Variants in SLC13A1 observed in about 807,000 individuals in gnomAD.
SLC13A1 encodes the protein solute carrier family 13 member 1.
Under a neutral mutation model 70.0 loss-of-function variants are expected in SLC13A1, and 65 were observed. The observed-to-expected ratio is 0.93, with a 90% CI of 0.76 to 1.14. SLC13A1 has a LOEUF of 1.14. Among genes scored for constraint, SLC13A1 ranks in the 50% most tolerant of loss-of-function variants. The pLI is 0.00. For missense variants in SLC13A1, 726 were observed against 717.8 expected, an observed-to-expected ratio of 1.01 and a Z score of -0.13; for synonymous variants, 275 against 250.5, an observed-to-expected ratio of 1.10 and a Z score of -0.92.
rs73718305 is a variant in SLC13A1 at position 123,190,526 on chromosome 7, G to A, written c.99+9322C>T. 3,217 of 456,486 alleles carry A rather than the reference G, an allele frequency of 7.0e-3. 84 individuals are homozygous for A. The highest frequency in any genetic ancestry group is 0.059 in the African/African-American group (2,965 of 50,168). 28.3% of individuals were successfully genotyped at this position (456,486 alleles called of 1,614,324 possible). A position where few individuals can be genotyped will look rare whatever the true frequency, so the allele number is the denominator to read the frequency against. On this transcript the variant is annotated intron_variant, in intron 1 of 14. Transcript: ENST00000194130. ...ATTCTGAGACTGGTCACTGGACGGA[G>A]GCCCTCCTGGTCAGTCAGTCATCTG... is the stretch of plus-strand genomic sequence containing the variant.
chr7:123,194,759 A>G lies in SLC13A1; in HGVS notation c.99+5089T>C, dbSNP rs140729095. On this transcript the variant is annotated intron_variant, in intron 1 of 14. Transcript: ENST00000194130. Reference sequence around the variant, plus strand: ...AGTGATGGGGGCTTGTGGATATTTGAAGCATCTGAGATGACATACAGCTTT... The same window carrying G: ...AGTGATGGGGGCTTGTGGATATTTGGAGCATCTGAGATGACATACAGCTTT... Among the ~76,000 whole-genome samples, 326 of 152,196 alleles carry G rather than the reference A, an allele frequency of 2.1e-3. 2 individuals are homozygous for G. Among genetic ancestry groups the G allele is most frequent in the African/African-American group, 7.5e-3 (311 of 41,550 alleles).
chr7:123,187,121 A>C (rs1795826695), intron 1 of SLC13A1, among the ~76,000 whole-genome samples: 1 of 152,138 alleles, frequency 6.6e-6, no homozygotes, highest in Admixed American at 6.5e-5. Context: ...TTGTGTGGAA[A>C]CCAGGTGAAA....
chr7:123,126,336 G>A (rs1793558547), intron 10 of SLC13A1, among the ~76,000 whole-genome samples: 1 of 152,118 alleles, frequency 6.6e-6, no homozygotes. Context: ...TATAAATTAA[G>A]ACTGATTCAG....
chr7:123,171,779 T>C lies in SLC13A1; in HGVS notation c.354A>G (p.Val118=). 6.2e-7 allele frequency: 1 copy of C among 1,613,906 alleles called. No homozygotes were observed. Among genetic ancestry groups the C allele is most frequent in the Non-Finnish European group, 8.5e-7 (1 of 1,179,914 alleles). The change falls in exon 3 of 15, where the codon GTA becomes GTG. Residue 118 remains valine, a synonymous_variant. Transcript: ENST00000194130. ...AATGCAGTACTTACCATGCAGGATT[T>C]ACACCAACCATCATCACCATTTTCA... ...IALKMVMMVG[V]NPAWLTLGFM...
chr7:123,119,285 T>C (rs1198818465), intron 12 of SLC13A1, 43 bp from the exon 13 acceptor site: 2 of 1,312,350 alleles, frequency 1.5e-6, no homozygotes, highest in East Asian at 2.4e-5. Context: ...TGAATAATTC[T>C]TTGTAATCAG....
intron 8 of SLC13A1, among the ~76,000 whole-genome samples, chr7:123,131,978 C>T (rs1019731844): frequency 6.6e-6 from 1 of 152,116 alleles, no homozygotes; most frequent in African/African-American, 2.4e-5. Context: ...TTAAATGTAG[C>T]AATGAAGAAC....
rs190611399 is a variant in SLC13A1 at position 123,165,098 on chromosome 7, C to G, written c.660+3276G>C. 3.6e-4 allele frequency among the ~76,000 whole-genome samples: 54 copies of G among 152,038 alleles called. No homozygotes were observed. The East Asian group carries it at 0.01, about 29-fold the overall frequency. On this transcript the variant is annotated intron_variant, in intron 6 of 14. Transcript: ENST00000194130. The stretch of plus-strand genomic sequence containing the variant: ...GTTAAATTATATAGGGTAAATCTAT[C>G]AAAGAACAGCTGCAGTTTATTATAA...
chr7:123,119,095 T>C lies in SLC13A1; in HGVS notation c.1498A>G (p.Ile500Val). 2.5e-6 allele frequency: 4 copies of C among 1,612,098 alleles called. No individual in the cohort carries two copies. Among genetic ancestry groups the C allele is most frequent in the Non-Finnish European group, 2.5e-6 (3 of 1,178,924 alleles). The part of the protein sequence containing the change: ...NPATITLFLP[I>V]LSPLAEAIHV... ...GAGATACTCACCAATGGAGATAATA[T>C]TGGGAGAAAGAGTGTAATGGTAGCT... The change falls in exon 13 of 15, where the codon ATA (isoleucine) becomes GTA (valine). Residue 500 changes from isoleucine (I) to valine (V), a missense_variant. Coordinates refer to ENST00000194130, the MANE Select transcript of SLC13A1 (RefSeq NM_022444.4).
At chr7:123,183,498 A>G (rs184527744) in intron 1 of SLC13A1, among the ~76,000 whole-genome samples, 40 of 152,262 alleles carry the variant, frequency 2.6e-4, no homozygotes, top group African/African-American at 9.1e-4. Context: ...TTAGTAAAAT[A>G]TCTGGTAGGA....
intron 1 of SLC13A1, among the ~76,000 whole-genome samples, chr7:123,183,852 A>G (rs1266873207): frequency 6.6e-6 from 1 of 152,150 alleles, no homozygotes; most frequent in Non-Finnish European, 1.5e-5. Context: ...GAATCCCTGG[A>G]TTCATAACCC....
At chr7:123,192,679 C>T (rs1007150982) in intron 1 of SLC13A1, among the ~76,000 whole-genome samples, 3 of 152,092 alleles carry the variant, frequency 2.0e-5, no homozygotes, top group Non-Finnish European at 2.9e-5. Context: ...AAAAATCATG[C>T]ATTCTAAATC....
chr7:123,123,667 T>TA (rs1486658527), intron 11 of SLC13A1, among the ~76,000 whole-genome samples: 2 of 152,184 alleles, frequency 1.3e-5, no homozygotes, highest in African/African-American at 4.8e-5. Context: ...TATTATCCAT[T>TA]AATATTTGAA....
chr7:123,173,720 G>A (rs17543132), intron 2 of SLC13A1, among the ~76,000 whole-genome samples: 54,502 of 151,946 alleles, frequency 0.36, 10,099 homozygotes, highest in South Asian at 0.41. Context: ...GCCAAACCAG[G>A]ACTCTATTTT....
At chr7:123,165,229 A>G (rs971720080) in intron 6 of SLC13A1, among the ~76,000 whole-genome samples, 1 of 152,150 alleles carries the variant, frequency 6.6e-6, no homozygotes, top group Non-Finnish European at 1.5e-5. Context: ...GCTTTCATGC[A>G]TGTCTTATAA....
Position 123,119,241 on chromosome 7 carries a change from T to C in SLC13A1, c.1352A>G (p.Glu451Gly). ...GGFALADGCEESGLSKWIGNK... is the reference protein window; with the variant it reads ...GGFALADGCEGSGLSKWIGNK... ...TCCTATCCACTTAGATAATCCAGAC[T>C]CCTAAAAAACAAATTTGCAATATTT... The change falls in exon 13 of 15, where the codon GAG becomes GGG. Residue 451 changes from glutamate to glycine, a missense_variant and splice_region_variant. By Grantham distance (98) the Glu-to-Gly change is moderately conservative (BLOSUM62 -2). Coordinates refer to ENST00000194130, the MANE Select transcript of SLC13A1 (RefSeq NM_022444.4). 1 of 1,588,114 alleles carries C rather than the reference T, an allele frequency of 6.3e-7. No homozygotes were observed. Among genetic ancestry groups the C allele is most frequent in the Non-Finnish European group, 8.6e-7 (1 of 1,166,936 alleles).
intron 6 of SLC13A1, among the ~76,000 whole-genome samples, chr7:123,154,644 A>G (rs1794657372): frequency 6.6e-6 from 1 of 152,104 alleles, no homozygotes; most frequent in Non-Finnish European, 1.5e-5. Context: ...GTAAGTTAGA[A>G]TATGTCTTTT....
At position 123,169,153 on chromosome 7, in the gene SLC13A1, A is replaced by ATTTCTAGTCC; in HGVS notation, c.538_547dup (p.Ile183ArgfsTer5). The ATTTCTAGTCC allele has an allele frequency of 6.2e-7, 1 of 1,613,892 alleles. No individual in the cohort carries two copies. ...GCCATATCAACATGTGATACCATCA[A>ATTTCTAGTCC]TTTCTAGTCCGTGGTTGGTTGATCC... is the stretch of plus-strand genomic sequence containing the variant. On this transcript the variant is annotated frameshift_variant, in exon 4 of 15. Coordinates refer to ENST00000194130, the MANE Select transcript of SLC13A1 (RefSeq NM_022444.4). LOFTEE classifies it high-confidence loss of function.
At chr7:123,139,114 A>C (rs979455181) in intron 7 of SLC13A1, among the ~76,000 whole-genome samples, 5 of 152,110 alleles carry the variant, frequency 3.3e-5, no homozygotes, top group African/African-American at 4.8e-5. Context: ...ATAAGGGCCT[A>C]GTTTTATTCT....
chr7:123,172,298 T>C lies in SLC13A1; in HGVS notation c.229-394A>G, dbSNP rs116765929. Among the ~76,000 whole-genome samples, 1,257 of 152,304 alleles carry C rather than the reference T, an allele frequency of 8.3e-3. 14 individuals carry two copies. The highest frequency in any genetic ancestry group is 0.029 in the African/African-American group (1,212 of 41,570). On this transcript the variant is annotated intron_variant, in intron 2 of 14. Transcript: ENST00000194130. Reference sequence around the variant, plus strand: ...TATGCTGTAACTGCAGTCACACCTTTATATATTGAATGATTTTACTTTCAA... The same window carrying C: ...TATGCTGTAACTGCAGTCACACCTTCATATATTGAATGATTTTACTTTCAA...
Sources: allele counts gnomAD v4.1 joint callset (sites outside exome capture counted in the v4.1 genomes callset), GRCh38; gene constraint gnomAD v4.1.1; transcripts MANE v1.5; gene names NCBI Gene and HGNC (gene_info 2026-07-23, HGNC 2026-07-21).